Variants in HACD3 observed in about 807,000 individuals in gnomAD.
HACD3 encodes 3-hydroxyacyl-CoA dehydratase 3, also known as very-long-chain (3R)-3-hydroxyacyl-CoA dehydratase 3.
HACD3 carries 30 observed loss-of-function variants against 55.2 expected under a neutral mutation model. That is an observed-to-expected ratio of 0.54 (90% CI 0.41 to 0.74). HACD3 has a LOEUF of 0.74. Among genes scored for constraint, HACD3 ranks in the 30% least tolerant of loss-of-function variants. The pLI is 0.00. For missense variants in HACD3, 363 were observed against 440.1 expected (o/e 0.82, Z 1.57); for synonymous variants, 141 against 151.7 (o/e 0.93, Z 0.52).
chr15:65,552,895 A>G (rs1463381134), intron 2 of HACD3, among the ~76,000 whole-genome samples: 1 of 129,014 alleles, frequency 7.8e-6, no homozygotes, highest in Non-Finnish European at 1.6e-5. Context: ...TCCTGTGTCC[A>G]TGTGATCTCA....
chr15:65,531,988 C>G (rs1011510298), intron 1 of HACD3, among the ~76,000 whole-genome samples: 2 of 152,068 alleles, frequency 1.3e-5, no homozygotes, highest in African/African-American at 2.4e-5. Context: ...GCTTGGATCA[C>G]CCGTGGATCC....
intron 1 of HACD3, among the ~76,000 whole-genome samples, chr15:65,546,712 A>T (rs995409318): frequency 2.6e-5 from 4 of 152,142 alleles, no homozygotes; most frequent in African/African-American, 7.2e-5. Flanking sequence ...AAGTGCTGGG[A>T]TTGCAGGTGT....
intron 2 of HACD3, among the ~76,000 whole-genome samples, chr15:65,554,004 C>G (rs2072161771): frequency 6.6e-6 from 1 of 152,216 alleles, no homozygotes; most frequent in Non-Finnish European, 1.5e-5. Context: ...CCTTCATAAG[C>G]TGCGAAAGAT....
chr15:65,535,883 T>A (rs1215812957), intron 1 of HACD3: 1 of 551,648 alleles, frequency 1.8e-6, no homozygotes, highest in Non-Finnish European at 3.3e-6. Context: ...AGAGGTGGGG[T>A]CTCATTATGT....
At chr15:65,541,399 A>T (rs1453273354) in intron 1 of HACD3, among the ~76,000 whole-genome samples, 3 of 152,216 alleles carry the variant, frequency 2.0e-5, no homozygotes, top group Non-Finnish European at 4.4e-5. Flanking sequence ...TCAGCCAAAG[A>T]TCACCAAAAC....
intron 3 of HACD3, 121 bp from the exon 4 acceptor site, chr15:65,556,609 TCAGGACTTG>T: frequency 1.0e-6 from 1 of 977,918 alleles, no homozygotes; most frequent in Non-Finnish European, 1.5e-6. Flanking sequence ...TCCCTTTGCA[TCAGGACTTG>T]CAGGACCAGA....
chr15:65,570,507 GA>G (rs2072337558), intron 8 of HACD3, among the ~76,000 whole-genome samples: 1 of 152,218 alleles, frequency 6.6e-6, no homozygotes, highest in Non-Finnish European at 1.5e-5. Flanking sequence ...CATCCACATG[GA>G]AAAATTCTTG....
rs2072412813 is a variant in HACD3, at chr15:65,577,258, T to G, written c.*879T>G. On this transcript the variant is annotated 3_prime_UTR_variant, in exon 11 of 11. Coordinates refer to ENST00000261875, the MANE Select transcript of HACD3 (RefSeq NM_016395.4). The stretch of plus-strand genomic sequence containing the variant: ...TGGGCAACGTAGTGAGACCCCTATC[T>G]CTACAAAAAATAAAAAAATTAGCTG... 1 of 151,914 alleles carries G rather than the reference T, an allele frequency of 6.6e-6. No homozygotes were observed. Among genetic ancestry groups the G allele is most frequent in the African/African-American group, 2.4e-5 (1 of 41,326 alleles). 9.4% of individuals were successfully genotyped at this position (151,914 alleles called of 1,614,324 possible).
At position 65,563,840 on chromosome 15, in the gene HACD3, C is replaced by T. The variant is rs547364952; in HGVS notation, c.533-375C>T. 6.6e-5 allele frequency among the ~76,000 whole-genome samples: 10 copies of T among 152,100 alleles called. No homozygotes were observed. The South Asian group carries it at 1.0e-3, about 16-fold the overall frequency. On this transcript the variant is annotated intron_variant, in intron 6 of 10. Transcript: ENST00000261875. ...CAAAAATTAGCTGGGCATGGTGGTG[C>T]GTGCCTGTAGTCCCAGCTACTCGGG... is the stretch of plus-strand genomic sequence containing the variant.
At chr15:65,535,922 T>C (rs1406979824) in intron 1 of HACD3, 1 of 445,878 alleles carries the variant, frequency 2.2e-6, no homozygotes, top group Non-Finnish European at 4.0e-6. Context: ...ACTCCTGGAC[T>C]TAAGCAATCC....
chr15:65,535,722 G>T (rs1384641105), intron 1 of HACD3: 14 of 491,532 alleles, frequency 2.8e-5, no homozygotes, highest in Admixed American at 7.2e-5. Flanking sequence ...TTGAGGCAGG[G>T]TCTCACTCTG....
At chr15:65,547,005 A>C (rs866996673) in intron 1 of HACD3, among the ~76,000 whole-genome samples, 1 of 152,172 alleles carries the variant, frequency 6.6e-6, no homozygotes, top group South Asian at 2.1e-4. Context: ...CCTCTTTATC[A>C]TTCTTCCTCC....
At chr15:65,543,577 A>G (rs547651403) in intron 1 of HACD3, among the ~76,000 whole-genome samples, 8 of 152,294 alleles carry the variant, frequency 5.3e-5, no homozygotes, top group African/African-American at 1.4e-4. Flanking sequence ...AAACTTCACT[A>G]TGACATCGTT....
At position 65,578,147 on chromosome 15, in the gene HACD3, G is replaced by GT. The variant is rs1364184840; in HGVS notation, c.*1769dup. On this transcript the variant is annotated 3_prime_UTR_variant, in exon 11 of 11. Transcript: ENST00000261875. ...GCATTGAAGGATATTTTGCATGTCTGTAACACCTGTCAATACTTGTTTGTA... is the reference window on the plus strand; with the variant it reads ...GCATTGAAGGATATTTTGCATGTCTGTTAACACCTGTCAATACTTGTTTGTA... The GT allele has an allele frequency of 6.6e-6, 1 of 152,182 alleles. No individual in the cohort carries two copies. Among genetic ancestry groups the GT allele is most frequent in the Admixed American group, 6.5e-5 (1 of 15,272 alleles). 9.4% of individuals were successfully genotyped at this position (152,182 alleles called of 1,614,324 possible).
At chr15:65,548,494 CAG>C (rs1311937840) in intron 1 of HACD3, among the ~76,000 whole-genome samples, 3 of 132,376 alleles carry the variant, frequency 2.3e-5, no homozygotes, top group South Asian at 4.9e-4. Flanking sequence ...CCCTGGGTGA[CAG>C]AGGGAGATTC....
intron 1 of HACD3, chr15:65,535,712 T>C (rs2071947646): frequency 4.1e-6 from 2 of 484,206 alleles, no homozygotes; most frequent in Non-Finnish European, 3.7e-6. Flanking sequence ...TTTTTTTTTT[T>C]TGAGGCAGGG....
chr15:65,552,320 CATAAA>C (rs1175129473), intron 2 of HACD3, among the ~76,000 whole-genome samples: 1 of 151,926 alleles, frequency 6.6e-6, no homozygotes, highest in Non-Finnish European at 1.5e-5. Flanking sequence ...ATTATGGAAA[CATAAA>C]ATAGAAAATT....
In HACD3 at chr15:65,577,785, G is replaced by A. The variant is rs980465935; in HGVS notation, c.*1406G>A. ...TGCAGTAGGACACTGAAAACAGCAAGAACTTCGGGGTGAACACCCGCTGAT... is the reference window on the plus strand; with the variant it reads ...TGCAGTAGGACACTGAAAACAGCAAAAACTTCGGGGTGAACACCCGCTGAT... On this transcript the variant is annotated 3_prime_UTR_variant, in exon 11 of 11. Transcript: ENST00000261875. 1 of 152,434 alleles carries A rather than the reference G, an allele frequency of 6.6e-6. No homozygotes were observed. Among genetic ancestry groups the A allele is most frequent in the African/African-American group, 2.4e-5 (1 of 41,440 alleles). The allele number at this position is 152,434 out of a possible 1,614,324, so 9.4% of individuals were successfully genotyped here.
intron 5 of HACD3, among the ~76,000 whole-genome samples, chr15:65,559,443 T>C (rs2072224705): frequency 6.6e-6 from 1 of 151,332 alleles, no homozygotes; most frequent in South Asian, 2.1e-4. Flanking sequence ...AATAAGTCCT[T>C]CTTACTTGTT....
Sources: allele counts gnomAD v4.1 joint callset (sites outside exome capture counted in the v4.1 genomes callset), GRCh38; gene constraint gnomAD v4.1.1; transcripts MANE v1.5; gene names NCBI Gene and HGNC (gene_info 2026-07-23, HGNC 2026-07-21).